Variants in ACSS3 observed in about 807,000 individuals in gnomAD.
ACSS3 encodes acyl-CoA synthetase short-chain family member 3, mitochondrial.
Under a neutral mutation model 84.2 loss-of-function variants are expected in ACSS3, and 64 were observed. The observed-to-expected ratio is 0.76, with a 90% confidence interval of 0.62 to 0.94. The LOEUF is 0.94. Among genes scored for constraint, ACSS3 ranks in the 40% least tolerant of loss-of-function variants. The pLI, the probability that ACSS3 is intolerant of heterozygous loss-of-function variation, is 0.00. For missense variants in ACSS3, 815 were observed against 867.6 expected (o/e 0.94, Z 0.76); for synonymous variants, 317 against 310.1 (o/e 1.02, Z -0.23).
chr12:81,213,953 C>CCCTCCCTTTCTT, intron 9 of ACSS3, among the ~76,000 whole-genome samples: 1 of 18,652 alleles, frequency 5.4e-5, no homozygotes, highest in Admixed American at 8.0e-4. Context: ...CTCTCTCCCT[C>CCCTCCCTTTCTT]TCTCTCTTTC....
intron 13 of ACSS3, among the ~76,000 whole-genome samples, chr12:81,237,055 T>TA: frequency 6.6e-6 from 1 of 151,636 alleles, no homozygotes; most frequent in Non-Finnish European, 1.5e-5. Flanking sequence ...ATAATGTCTT[T>TA]AATCAAAACT....
intron 5 of ACSS3, among the ~76,000 whole-genome samples, chr12:81,144,532 A>C (rs11611047): frequency 6.6e-6 from 1 of 152,236 alleles, no homozygotes; most frequent in African/African-American, 2.4e-5. Flanking sequence ...CTGGAGTCCA[A>C]CTGAACATTT....
At chr12:81,118,000 G>A (rs531218828) in intron 2 of ACSS3, 1 of 152,206 alleles carries the variant, frequency 6.6e-6, no homozygotes, top group East Asian at 1.9e-4. Flanking sequence ...ATGTTTTCAG[G>A]TCTTTTGTGA....
rs541402950 is a variant in ACSS3, at chr12:81,124,177, C to A, written c.457-10639C>A. On this transcript the variant is annotated intron_variant, in intron 2 of 15. Transcript: ENST00000548058. ...TTGTTTTTTGATTTTTTAATAATAG[C>A]CATTCTGACTGGTGTGACATGGTAT... Among the ~76,000 whole-genome samples the A allele has an allele frequency of 2.0e-4, 31 of 152,176 alleles. 1 individual carries two copies. Among genetic ancestry groups the A allele is most frequent in the African/African-American group, 7.0e-4 (29 of 41,534 alleles).
At chr12:81,253,014 G>C (rs958666053) in intron 13 of ACSS3, among the ~76,000 whole-genome samples, 3 of 152,114 alleles carry the variant, frequency 2.0e-5, no homozygotes, top group African/African-American at 7.2e-5. Flanking sequence ...AATAAACTGA[G>C]ACAAAGAAAC....
chr12:81,183,054 A>G (rs2031042043), intron 8 of ACSS3, among the ~76,000 whole-genome samples: 1 of 152,206 alleles, frequency 6.6e-6, no homozygotes, highest in South Asian at 2.1e-4. Context: ...GAAAGAAGCC[A>G]AAATAACAAG....
intron 10 of ACSS3, 25 bp from the exon 11 acceptor site, chr12:81,219,988 C>A: frequency 1.4e-6 from 2 of 1,402,854 alleles, no homozygotes; most frequent in South Asian, 1.6e-5. Context: ...AATTTTTATT[C>A]AAATATTTAT....
chr12:81,255,179 G>T lies in ACSS3; in HGVS notation c.*257G>T. The T allele has an allele frequency of 7.1e-6, 2 of 280,672 alleles. No homozygotes were observed. The highest frequency in any genetic ancestry group is 2.1e-4 in the South Asian group (2 of 9,628). The allele number at this position is 280,672 out of a possible 1,614,324, so 17.4% of individuals were successfully genotyped here. A position where few individuals can be genotyped will look rare whatever the true frequency, so the allele number is the denominator to read the frequency against. On this transcript the variant is annotated 3_prime_UTR_variant, in exon 16 of 16. Transcript: ENST00000548058. The stretch of plus-strand genomic sequence containing the variant: ...TGTCATCTACTGCTTTAGGAAAAAC[G>T]TATCTAGTGTATTATTTTTAAAATT...
chr12:81,258,011 A>T lies in ACSS3; in HGVS notation c.*3089A>T, dbSNP rs1332951509. 3.9e-5 allele frequency: 6 copies of T among 152,098 alleles called. No homozygotes were observed. Among genetic ancestry groups the T allele is most frequent in the African/African-American group, 1.4e-4 (6 of 41,428 alleles). The allele number at this position is 152,098 out of a possible 1,614,324, so 9.4% of individuals were successfully genotyped here. On this transcript the variant is annotated 3_prime_UTR_variant, in exon 16 of 16. Transcript: ENST00000548058. ...GGCATTATAATGTCGTAGTTCCTAT[A>T]TTCTATTTCATTTCTATGAATCAAG... is the stretch of plus-strand genomic sequence containing the variant.
At chr12:81,203,921 A>G (rs1301736758) in intron 9 of ACSS3, among the ~76,000 whole-genome samples, 1 of 152,200 alleles carries the variant, frequency 6.6e-6, no homozygotes, top group East Asian at 1.9e-4. Flanking sequence ...AGGTTTTACA[A>G]TCATAATTTA....
At chr12:81,235,131 T>C (rs1396595751) in intron 13 of ACSS3, among the ~76,000 whole-genome samples, 1 of 151,358 alleles carries the variant, frequency 6.6e-6, no homozygotes, top group Non-Finnish European at 1.5e-5. Flanking sequence ...TGATAAATAA[T>C]TTTTTAAGTG....
chr12:81,118,500 C>T (rs4387416), intron 2 of ACSS3, among the ~76,000 whole-genome samples: 83 of 152,256 alleles, frequency 5.5e-4, no homozygotes, highest in Non-Finnish European at 9.6e-4. Context: ...ACACACATCC[C>T]ATTTGGCCAT....
chr12:81,097,140 A>G (rs10778783), intron 1 of ACSS3, among the ~76,000 whole-genome samples: 49,368 of 152,056 alleles, frequency 0.32, 8,306 homozygotes, highest in Admixed American at 0.45. Flanking sequence ...TCGTTACCCT[A>G]CTGAGCAGCA....
At chr12:81,090,745 G>T (rs1472406216) in intron 1 of ACSS3, among the ~76,000 whole-genome samples, 3 of 151,926 alleles carry the variant, frequency 2.0e-5, no homozygotes, top group Non-Finnish European at 4.4e-5. Context: ...TGTAGTAGAG[G>T]ATATTTTATA....
intron 11 of ACSS3, among the ~76,000 whole-genome samples, chr12:81,220,427 A>C (rs184328250): frequency 1.5e-3 from 223 of 152,222 alleles, no homozygotes; most frequent in Non-Finnish European, 1.4e-3. Flanking sequence ...CATTAACTTC[A>C]TAATATACAT....
chr12:81,175,916 A>G (rs1333766803), intron 8 of ACSS3, among the ~76,000 whole-genome samples: 1 of 152,216 alleles, frequency 6.6e-6, no homozygotes, highest in Non-Finnish European at 1.5e-5. Flanking sequence ...ATCTCAAATT[A>G]ACAATGTAAT....
At chr12:81,091,953 T>C (rs913736062) in intron 1 of ACSS3, among the ~76,000 whole-genome samples, 1 of 152,088 alleles carries the variant, frequency 6.6e-6, no homozygotes, top group African/African-American at 2.4e-5. Flanking sequence ...ATAGCAGATC[T>C]AGGATGAAAA....
At chr12:81,177,732 A>T (rs1389420691) in intron 8 of ACSS3, among the ~76,000 whole-genome samples, 1 of 152,238 alleles carries the variant, frequency 6.6e-6, no homozygotes, top group East Asian at 1.9e-4. Context: ...ATCACTGGCC[A>T]TCAGAGAAAT....
At chr12:81,107,511 C>CACACATATATATATATATAT (rs1403415163) in intron 1 of ACSS3, among the ~76,000 whole-genome samples, 3 of 38,834 alleles carry the variant, frequency 7.7e-5, no homozygotes, top group African/African-American at 2.6e-4. Context: ...CAAATATATA[C>CACACATATATATATATATAT]ATATATATAT....
Sources: gnomAD v4.1 joint callset for allele counts (sites outside exome capture counted in the v4.1 genomes callset) on GRCh38, gnomAD v4.1.1 for gene constraint, MANE v1.5 for transcripts, NCBI Gene and HGNC (gene_info 2026-07-23, HGNC 2026-07-21) for gene names.